HDAC9: variants seen among roughly 807,000 people sequenced by gnomAD.
HDAC9 encodes MEF-2 interacting transcription repressor (MITR) protein.
HDAC9 carries 41 observed loss-of-function variants against 139.4 expected under a neutral mutation model. The ratio of observed to expected loss-of-function variants is 0.29; its 90% CI spans 0.23 to 0.38. The LOEUF is 0.38. Among genes scored for constraint, HDAC9 ranks in the 10% least tolerant of loss-of-function variants. The pLI is 1.00. For missense variants in HDAC9, 1,147 were observed against 1,297.0 expected (o/e 0.88, Z 1.78); for synonymous variants, 517 against 476.2 (o/e 1.09, Z -1.12).
Position 18,593,904 on chromosome 7 carries a change from C to G in HDAC9, c.543-4C>G, listed in dbSNP as rs780249605. On this transcript the variant is annotated splice_polypyrimidine_tract_variant and splice_region_variant and intron_variant, in intron 5 of 25. Transcript: ENST00000686413. ...AAATAGTGAAACTTCCTTGTCTTTT[C>G]TAGGGCTGCCCACCACACATCATTG... 4.1e-5 allele frequency: 66 copies of G among 1,612,314 alleles called. No homozygotes were observed. Among genetic ancestry groups the G allele is most frequent in the Non-Finnish European group, 2.6e-5 (31 of 1,178,842 alleles).
intron 22 of HDAC9, among the ~76,000 whole-genome samples, chr7:18,904,084 G>T (rs17140251): frequency 0.058 from 8,831 of 152,062 alleles, 450 homozygotes; most frequent in South Asian, 0.23. Flanking sequence ...CCCAACAATT[G>T]GAACAAGTAC....
At chr7:18,672,697 A>G (rs1795737718) in intron 12 of HDAC9, among the ~76,000 whole-genome samples, 1 of 152,052 alleles carries the variant, frequency 6.6e-6, no homozygotes, top group African/African-American at 2.4e-5. Context: ...TTTAGCACTT[A>G]ACATTAGGTC....
intron 21 of HDAC9, among the ~76,000 whole-genome samples, chr7:18,838,256 T>A (rs114175014): frequency 0.011 from 1,721 of 152,150 alleles, 36 homozygotes; most frequent in African/African-American, 0.04. Context: ...GATCATAATA[T>A]ATGTCATACG....
At chr7:18,991,540 A>G (rs1054256218) in intron 25 of HDAC9, among the ~76,000 whole-genome samples, 12 of 152,202 alleles carry the variant, frequency 7.9e-5, no homozygotes, top group Admixed American at 3.9e-4. Flanking sequence ...AGGAGGCTGA[A>G]GCAGGAGAAT....
At chr7:18,327,303 T>C (rs1800531861) in intron 1 of HDAC9, 1 of 151,962 alleles carries the variant, frequency 6.6e-6, no homozygotes, top group South Asian at 2.1e-4. Flanking sequence ...TATTATTATT[T>C]TTTAGTTTAC....
At chr7:18,811,863 AG>A (rs1257186022) in intron 17 of HDAC9, among the ~76,000 whole-genome samples, 1 of 151,446 alleles carries the variant, frequency 6.6e-6, no homozygotes, top group East Asian at 1.9e-4. Context: ...GGAGAGGGAG[AG>A]GGAGAGAGAG....
intron 12 of HDAC9, among the ~76,000 whole-genome samples, chr7:18,689,867 C>T (rs76674337): frequency 0.097 from 14,703 of 151,900 alleles, 753 homozygotes; most frequent in East Asian, 0.16. Flanking sequence ...TCCAAATTGT[C>T]CAAATTTTAT....
rs369445186 is a variant in HDAC9, at chr7:18,620,847, G to A, written c.665-8503G>A. 2.1e-4 allele frequency among the ~76,000 whole-genome samples: 32 copies of A among 151,816 alleles called. 1 individual carries two copies. Among genetic ancestry groups the A allele is most frequent in the African/African-American group, 7.7e-4 (32 of 41,440 alleles). On this transcript the variant is annotated intron_variant, in intron 6 of 25. Transcript: ENST00000686413. ...CCCATGTATGACCATTTTTTTTCCC[G>A]ATATGTAAAGAGGTTATCATTGTTG...
intron 12 of HDAC9, among the ~76,000 whole-genome samples, chr7:18,679,009 A>G (rs889009204): frequency 6.6e-6 from 1 of 152,030 alleles, no homozygotes; most frequent in African/African-American, 2.4e-5. Context: ...GGAATAATCA[A>G]TCTTAGCCTA....
chr7:18,210,394 G>C (rs1410165069), intron 2 of HDAC9, among the ~76,000 whole-genome samples: 1 of 152,110 alleles, frequency 6.6e-6, no homozygotes, highest in African/African-American at 2.4e-5. Flanking sequence ...CAGTTAAGAG[G>C]GTTTCCTATT....
At chr7:18,948,328 G>A (rs1382198680) in intron 23 of HDAC9, among the ~76,000 whole-genome samples, 1 of 152,114 alleles carries the variant, frequency 6.6e-6, no homozygotes, top group East Asian at 1.9e-4. Flanking sequence ...ATTAAAAGAT[G>A]TTCATTTAAA....
chr7:18,214,528 G>A (rs1454934656), intron 2 of HDAC9, among the ~76,000 whole-genome samples: 1 of 151,998 alleles, frequency 6.6e-6, no homozygotes, highest in Admixed American at 6.6e-5. Context: ...AATTCATACT[G>A]CTGGGGAAAA....
At chr7:18,237,318 T>C (rs972552819) in intron 2 of HDAC9, among the ~76,000 whole-genome samples, 7 of 152,248 alleles carry the variant, frequency 4.6e-5, no homozygotes, top group African/African-American at 1.7e-4. Flanking sequence ...ACTGACATAG[T>C]AATTTAATAA....
intron 12 of HDAC9, among the ~76,000 whole-genome samples, chr7:18,690,201 T>G (rs900727920): frequency 6.6e-6 from 1 of 152,002 alleles, no homozygotes; most frequent in African/African-American, 2.4e-5. Flanking sequence ...TTTATATTCC[T>G]GAGTGTTAGA....
At chr7:18,094,790 C>T (rs1485296617) in intron 1 of HDAC9, among the ~76,000 whole-genome samples, 1 of 152,068 alleles carries the variant, frequency 6.6e-6, no homozygotes, top group East Asian at 1.9e-4. Flanking sequence ...CCCTGCCTTT[C>T]ATCCAGTAAA....
chr7:18,853,175 G>A (rs1376049090), intron 21 of HDAC9, among the ~76,000 whole-genome samples: 1 of 152,044 alleles, frequency 6.6e-6, no homozygotes, highest in African/African-American at 2.4e-5. Context: ...TAAGCAGAGT[G>A]ATTTATGTTA....
intron 2 of HDAC9, among the ~76,000 whole-genome samples, chr7:18,281,542 G>A (rs534468474): frequency 3.9e-5 from 6 of 152,254 alleles, no homozygotes; most frequent in South Asian, 4.2e-4. Flanking sequence ...AATAGCCTAC[G>A]ATTTGACTCC....
At chr7:18,413,174 C>T (rs988545751) in intron 1 of HDAC9, among the ~76,000 whole-genome samples, 1 of 152,042 alleles carries the variant, frequency 6.6e-6, no homozygotes, top group African/African-American at 2.4e-5. Context: ...TATGTAATTT[C>T]CTATAGATAT....
At chr7:18,913,522 C>T (rs980843140) in intron 22 of HDAC9, among the ~76,000 whole-genome samples, 8 of 152,020 alleles carry the variant, frequency 5.3e-5, no homozygotes, top group African/African-American at 9.7e-5. Flanking sequence ...AAATAATATG[C>T]GTAATTTTCT....
Sources: allele counts gnomAD v4.1 joint callset (sites outside exome capture counted in the v4.1 genomes callset), GRCh38; gene constraint gnomAD v4.1.1; transcripts MANE v1.5; gene names NCBI Gene and HGNC (gene_info 2026-07-23, HGNC 2026-07-21).